SLK: variants seen among roughly 807,000 people sequenced by gnomAD.
SLK encodes the protein STE20-like serine/threonine-protein kinase.
Under a neutral mutation model 147.7 loss-of-function variants are expected in SLK, and 67 were observed. The ratio of observed to expected loss-of-function variants is 0.45; its 90% CI spans 0.37 to 0.56. The LOEUF (loss-of-function observed/expected upper bound fraction) is 0.56, where lower values mean the gene tolerates loss of function less well. Among genes scored for constraint, SLK ranks in the 20% least tolerant of loss-of-function variants. The probability of loss-of-function intolerance (pLI) is 0.00; values close to 1 mark genes in which losing one functional copy is unlikely to be tolerated. For missense variants in SLK, 1,136 were observed against 1,438.8 expected, an observed-to-expected ratio of 0.79 and a Z score of 3.41; for synonymous variants, 441 against 475.0, an observed-to-expected ratio of 0.93 and a Z score of 0.93.
At chr10:104,007,768 CAAATAAATAAAT>C (rs58270517) in intron 11 of SLK, among the ~76,000 whole-genome samples, 6 of 147,314 alleles carry the variant, frequency 4.1e-5, no homozygotes, top group Admixed American at 1.3e-4. Context: ...CCTATCTCTC[CAAATAAATAAAT>C]AAATAAATAA....
At chr10:103,986,668 GTT>G (rs759976399) in intron 1 of SLK, among the ~76,000 whole-genome samples, 1,457 of 97,188 alleles carry the variant, frequency 0.015, 23 homozygotes, top group African/African-American at 0.058. Flanking sequence ...TATGTGAAGA[GTT>G]TTTTTTTTTT....
Position 104,021,699 on chromosome 10 carries a change from A to C in SLK, c.3527A>C (p.Lys1176Thr), listed in dbSNP as rs147399386. ...GATGAGGAACATAGCCAAGAATTAA[A>C]GGAGTGGAGAGAGAAATTGAGACCT... is the stretch of plus-strand genomic sequence containing the variant. ...ELDEEHSQEL[K>T]EWREKLRPRK... The change falls in exon 18 of 19, where the codon AAG becomes ACG. Residue 1176 changes from lysine to threonine, a missense_variant. Transcript: ENST00000369755. 8.4e-4 allele frequency: 1,357 copies of C among 1,606,144 alleles called. No individual in the cohort carries two copies. The highest frequency in any genetic ancestry group is 1.1e-3 in the Non-Finnish European group (1,290 of 1,173,718).
At chr10:104,016,319 A>G (rs79389165) in intron 13 of SLK, among the ~76,000 whole-genome samples, 2 of 145,084 alleles carry the variant, frequency 1.4e-5, no homozygotes, top group African/African-American at 2.5e-5. Flanking sequence ...ACTCTCTTTC[A>G]AAAAAAAAAA....
At chr10:104,010,774 A>G (rs375568727) in intron 12 of SLK, 42 bp from the exon 13 acceptor site, 70 of 1,274,982 alleles carry the variant, frequency 5.5e-5, no homozygotes, top group Non-Finnish European at 1.7e-5. Context: ...TGCTGTGGAG[A>G]AAGTATCATT....
chr10:103,977,432 G>A (rs1843885860), intron 1 of SLK, among the ~76,000 whole-genome samples: 1 of 152,080 alleles, frequency 6.6e-6, no homozygotes, highest in Non-Finnish European at 1.5e-5. Context: ...GCAACATAGC[G>A]AGACCCCATG....
chr10:103,982,553 CAT>C (rs1314567356), intron 1 of SLK, among the ~76,000 whole-genome samples: 1 of 152,102 alleles, frequency 6.6e-6, no homozygotes, highest in African/African-American at 2.4e-5. Flanking sequence ...CAGGAAATGA[CAT>C]AATCCTTGGA....
chr10:104,012,730 C>T (rs1037195088), intron 13 of SLK, among the ~76,000 whole-genome samples: 1 of 152,178 alleles, frequency 6.6e-6, no homozygotes, highest in Admixed American at 6.5e-5. Flanking sequence ...ACTTGTGCTG[C>T]AACTTAAACT....
intron 13 of SLK, among the ~76,000 whole-genome samples, chr10:104,013,927 T>G (rs1460988279): frequency 6.6e-6 from 1 of 152,192 alleles, no homozygotes; most frequent in Non-Finnish European, 1.5e-5. Flanking sequence ...TGGAGTCATA[T>G]AACCATTTTA....
chr10:104,020,619 A>G lies in SLK; in HGVS notation c.3447+6A>G, dbSNP rs750174815. On this transcript the variant is annotated splice_donor_region_variant and intron_variant, in intron 17 of 18. Transcript: ENST00000369755. ...GCGAACTGCATCAGCTGCAGGTCAGATACAGAAGCCTGACAGCAAAGCCCA... is the reference window on the plus strand; with the variant it reads ...GCGAACTGCATCAGCTGCAGGTCAGGTACAGAAGCCTGACAGCAAAGCCCA... 12 of 1,609,354 alleles carry G rather than the reference A, an allele frequency of 7.5e-6. No individual in the cohort carries two copies. The South Asian group carries it at 1.2e-4, about 16-fold the overall frequency.
At chr10:103,995,935 A>T (rs1020592086) in intron 4 of SLK, among the ~76,000 whole-genome samples, 4 of 152,192 alleles carry the variant, frequency 2.6e-5, no homozygotes, top group Non-Finnish European at 5.9e-5. Context: ...CTCTGTAATA[A>T]ATGTGCATCT....
Position 104,025,624 on chromosome 10 carries a change from T to A in SLK, c.3612T>A (p.Phe1204Leu). The A allele has an allele frequency of 6.2e-7, 1 of 1,613,892 alleles. No homozygotes were observed. The highest frequency in any genetic ancestry group is 8.5e-7 in the Non-Finnish European group (1 of 1,179,764). ...ARKLQEQEVFFKMTGESECLN... is the reference protein window; with the variant it reads ...ARKLQEQEVFLKMTGESECLN... Reference sequence around the variant, plus strand: ...AACTACAGGAACAGGAAGTATTCTTTAAAATGACTGGGGAGTCTGAATGCC... The same window carrying A: ...AACTACAGGAACAGGAAGTATTCTTAAAAATGACTGGGGAGTCTGAATGCC... Residue 1204 changes from phenylalanine (F) to leucine (L), a missense_variant, in exon 19 of 19, where the codon TTT becomes TTA. Around this residue, in one of 6 missense-constraint regions of SLK, gnomAD observed 327 missense variants for 457.5 expected, o/e 0.71. Transcript: ENST00000369755.
intron 1 of SLK, among the ~76,000 whole-genome samples, chr10:103,976,052 G>A (rs1275343539): frequency 6.6e-6 from 1 of 152,088 alleles, no homozygotes; most frequent in Admixed American, 6.5e-5. Context: ...GTAGGCACCT[G>A]CTACCATGCC....
intron 13 of SLK, among the ~76,000 whole-genome samples, chr10:104,015,535 G>A (rs1166693736): frequency 6.6e-6 from 1 of 152,178 alleles, no homozygotes; most frequent in Non-Finnish European, 1.5e-5. Flanking sequence ...TACTCTTTAT[G>A]TGGACTGAGA....
chr10:103,981,186 TTTTTTG>T lies in SLK; in HGVS notation c.151-9486_151-9481del, dbSNP rs1367639713. The stretch of plus-strand genomic sequence containing the variant: ...TTTTGAATTGGGCTAGTTGTGGGTT[TTTTTTG>T]TTGTTGTTGTTGTTGTTGTTGAGTT... On this transcript the variant is annotated intron_variant, in intron 1 of 18. Transcript: ENST00000369755. Among the ~76,000 whole-genome samples, 29 of 91,998 alleles carry T rather than the reference TTTTTTG, an allele frequency of 3.2e-4. 1 individual carries two copies. In the East Asian group the frequency reaches 8.1e-3, roughly 26 times the overall value. 60.4% of individuals were successfully genotyped at this position (91,998 alleles called of 152,430 possible). A position where few individuals can be genotyped will look rare whatever the true frequency, so the allele number is the denominator to read the frequency against.
Position 104,002,928 on chromosome 10 carries a change from T to A in SLK, c.1750T>A (p.Leu584Ile). 6.2e-7 allele frequency: 1 copy of A among 1,614,052 alleles called. No homozygotes were observed. The highest frequency in any genetic ancestry group is 8.5e-7 in the Non-Finnish European group (1 of 1,180,004). The change falls in exon 9 of 19, where the codon TTA (leucine) becomes ATA (isoleucine). Residue 584 changes from leucine (L) to isoleucine (I), a missense_variant. Leu to Ile is a conservative substitution (Grantham distance 5). Coordinates refer to ENST00000369755, the MANE Select transcript of SLK (RefSeq NM_014720.4). ...AGAAGTGGTCGAAGTAGGCCAGAAA[T>A]TAATTAATAAGCCCATGGTGGGTCC... The part of the protein sequence containing the change: ...GKEVVEVGQK[L>I]INKPMVGPEA...
intron 2 of SLK, among the ~76,000 whole-genome samples, chr10:103,992,339 T>C (rs1844107947): frequency 6.6e-6 from 1 of 151,994 alleles, no homozygotes; most frequent in Admixed American, 6.6e-5. Context: ...GTTCTGTACC[T>C]GGTAGTTGTA....
chr10:104,008,389 GCTTTTTTTTT>G, intron 12 of SLK, 33 bp downstream of exon 12: 1 of 1,484,728 alleles, frequency 6.7e-7, no homozygotes, highest in Non-Finnish European at 9.2e-7. Flanking sequence ...AATTACTAAA[GCTTTTTTTTT>G]AAAAAAATTG....
At chr10:104,012,391 A>AC (rs1844411399) in intron 13 of SLK, among the ~76,000 whole-genome samples, 1 of 152,176 alleles carries the variant, frequency 6.6e-6, no homozygotes, top group South Asian at 2.1e-4. Context: ...TTTTCTTGCT[A>AC]TGAGCCATTG....
At chr10:104,020,108 G>A (rs1001292573) in intron 16 of SLK, among the ~76,000 whole-genome samples, 186 bp downstream of exon 16, 31 of 152,164 alleles carry the variant, frequency 2.0e-4, no homozygotes, top group Admixed American at 1.7e-3. Flanking sequence ...CCAGGATGGT[G>A]GTCACAGAGA....
Sources: gnomAD v4.1 joint callset for allele counts (sites outside exome capture counted in the v4.1 genomes callset) on GRCh38, gnomAD v4.1.1 for gene constraint, gnomAD v4.1.1 regional missense constraint, MANE v1.5 for transcripts, NCBI Gene and HGNC (gene_info 2026-07-23, HGNC 2026-07-21) for gene names.